Variants in SNX25 observed in about 807,000 individuals in gnomAD.
The protein encoded by SNX25 is sorting nexin-25.
In SNX25, 62 loss-of-function variants were observed where a neutral mutation model predicts 113.7. That is an observed-to-expected ratio of 0.55 (90% CI 0.44 to 0.67). SNX25 has a LOEUF of 0.67. Ranked by LOEUF, SNX25 falls within the 30% of genes least tolerant of loss-of-function variation. The pLI is 0.00. For missense variants in SNX25, 1,014 were observed against 1,161.0 expected, an observed-to-expected ratio of 0.87 and a Z score of 1.84; for synonymous variants, 421 against 436.2, an observed-to-expected ratio of 0.97 and a Z score of 0.43.
chr4:185,283,017 C>A (rs1214428142), intron 5 of SNX25, among the ~76,000 whole-genome samples: 1 of 152,174 alleles, frequency 6.6e-6, no homozygotes, highest in Non-Finnish European at 1.5e-5. Context: ...GAAAGTCAAT[C>A]ATTTCCTCTC....
chr4:185,260,551 T>G (rs770122503), intron 3 of SNX25, among the ~76,000 whole-genome samples: 38 of 152,234 alleles, frequency 2.5e-4, no homozygotes, highest in Non-Finnish European at 7.3e-5. Flanking sequence ...GCCAGTTCAC[T>G]ACTCATCGTA....
rs367671386 is a variant in SNX25 at position 185,353,644 on chromosome 4, G to C, written c.2584+42G>C. 2.8e-6 allele frequency: 4 copies of C among 1,439,018 alleles called. No individual in the cohort carries two copies. In the African/African-American group the frequency reaches 5.6e-5, roughly 20 times the overall value. 89.1% of individuals were successfully genotyped at this position (1,439,018 alleles called of 1,614,324 possible). On this transcript the variant is annotated intron_variant, in intron 15 of 18. Transcript: ENST00000652585. ...TTATTTAGTGGTATTTGCTAGTTAA[G>C]TGGTATATATAATCGTACATTCACA...
At chr4:185,214,371 A>C (rs969295628) in intron 1 of SNX25, among the ~76,000 whole-genome samples, 2 of 148,038 alleles carry the variant, frequency 1.4e-5, no homozygotes, top group Non-Finnish European at 3.0e-5. Context: ...AGCCTGGTCA[A>C]CATAGAGAAA....
intron 6 of SNX25, among the ~76,000 whole-genome samples, chr4:185,297,447 T>G (rs530780348): frequency 3.8e-4 from 58 of 152,346 alleles, no homozygotes; most frequent in Middle Eastern, 3.4e-3. Flanking sequence ...TCAACAGTTT[T>G]GTTTGGATAT....
rs1278669599 is a variant in SNX25 at position 185,209,788 on chromosome 4, G to C, written c.-39G>C. 1.0e-6 allele frequency: 1 copy of C among 983,708 alleles called. No homozygotes were observed. The highest frequency in any genetic ancestry group is 1.8e-5 in the African/African-American group (1 of 57,038). The allele number at this position is 983,708 out of a possible 1,614,324, so 60.9% of individuals were successfully genotyped here. The stretch of plus-strand genomic sequence containing the variant: ...CGGAGCGCCGGCGGGGGACCGGGGG[G>C]CAGGAGATGTGCCTGTCCTTAGCGG... On this transcript the variant is annotated 5_prime_UTR_variant, in exon 1 of 19. Coordinates refer to ENST00000652585, the MANE Select transcript of SNX25 (RefSeq NM_001378034.2). The surrounding 1 kb of genome is among the most constrained non-coding windows in gnomAD (Gnocchi z 5.2).
chr4:185,261,909 T>C (rs1186846815), intron 3 of SNX25, among the ~76,000 whole-genome samples: 1 of 152,248 alleles, frequency 6.6e-6, no homozygotes, highest in Non-Finnish European at 1.5e-5. Context: ...ATATAGATGA[T>C]TGTGTCCTGG....
chr4:185,326,031 A>G (rs972899930), intron 9 of SNX25, among the ~76,000 whole-genome samples: 32 of 152,248 alleles, frequency 2.1e-4, no homozygotes, highest in African/African-American at 7.5e-4. Context: ...GCAAATAACT[A>G]TATTGCCATA....
intron 5 of SNX25, among the ~76,000 whole-genome samples, chr4:185,270,646 A>G (rs1748791268): frequency 6.6e-6 from 1 of 152,144 alleles, no homozygotes; most frequent in Non-Finnish European, 1.5e-5. Context: ...TCATCACCCC[A>G]AAAAGAAACC....
chr4:185,352,334 A>G (rs6846997), intron 14 of SNX25, among the ~76,000 whole-genome samples: 62,107 of 152,026 alleles, frequency 0.41, 15,265 homozygotes, highest in African/African-American at 0.7. Context: ...CCTCTTCACC[A>G]GAGGTGGCTT....
exon 1 of SNX25, chr4:185,204,383 C>T (rs906779754): frequency 6.6e-6 from 1 of 152,182 alleles, no homozygotes; most frequent in African/African-American, 2.4e-5. Flanking sequence ...TTTCTATCAG[C>T]AAATTTCAGT....
rs34587614 is a variant in SNX25, at chr4:185,334,036, C to CA, written c.1914+1295dup. Reference sequence around the variant, plus strand: ...TGCACTCCAGACTGGGCAATAGTCTCAAAAAAAAAAAAAAAAAAGTGGCTA... The same window carrying CA: ...TGCACTCCAGACTGGGCAATAGTCTCAAAAAAAAAAAAAAAAAAAGTGGCTA... On this transcript the variant is annotated intron_variant, in intron 10 of 18. Transcript: ENST00000652585. The surrounding 1 kb of genome is among the most constrained non-coding windows in gnomAD (Gnocchi z 4.2). 0.054 allele frequency among the ~76,000 whole-genome samples: 5,644 copies of CA among 104,304 alleles called. 199 individuals carry two copies. The highest frequency in any genetic ancestry group is 0.1 in the African/African-American group (2,912 of 28,744). The allele number at this position is 104,304 out of a possible 152,430, so 68.4% of individuals were successfully genotyped here. A position where few individuals can be genotyped will look rare whatever the true frequency, so the allele number is the denominator to read the frequency against.
At chr4:185,372,336 G>C (rs535134501), downstream of SNX25, among the ~76,000 whole-genome samples, 1 of 152,324 alleles carries the variant, frequency 6.6e-6, no homozygotes, top group African/African-American at 2.4e-5. Flanking sequence ...TAATGGCATA[G>C]AATTGTGCTA....
intron 2 of SNX25, among the ~76,000 whole-genome samples, chr4:185,252,170 A>G (rs554729246): frequency 6.6e-6 from 1 of 152,304 alleles, no homozygotes; most frequent in African/African-American, 2.4e-5. Flanking sequence ...AACAACAACA[A>G]ACAAAACTAG....
At chr4:185,345,023 G>A (rs1375768459) in intron 12 of SNX25, among the ~76,000 whole-genome samples, 2 of 152,176 alleles carry the variant, frequency 1.3e-5, no homozygotes, top group African/African-American at 4.8e-5. Context: ...ACCAAAGTTT[G>A]TATCAAAACA....
chr4:185,300,764 C>T (rs1355947239), intron 6 of SNX25, among the ~76,000 whole-genome samples: 1 of 151,062 alleles, frequency 6.6e-6, no homozygotes, highest in Admixed American at 6.6e-5. Flanking sequence ...CAAAGTGGAA[C>T]CTTTGGGAGG....
intron 11 of SNX25, 89 bp downstream of exon 11, chr4:185,339,599 A>G: frequency 6.7e-7 from 1 of 1,482,276 alleles, no homozygotes; most frequent in Admixed American, 2.2e-5. Context: ...GATTGAGGGT[A>G]GAAAACTTAC....
chr4:185,353,976 G>A (rs1246811518), intron 15 of SNX25, among the ~76,000 whole-genome samples: 1 of 151,830 alleles, frequency 6.6e-6, no homozygotes, highest in Non-Finnish European at 1.5e-5. Context: ...CCCAGGAGGT[G>A]GAGGTTGCAG....
chr4:185,328,847 A>G (rs990281430), intron 9 of SNX25, among the ~76,000 whole-genome samples: 1 of 152,020 alleles, frequency 6.6e-6, no homozygotes, highest in Non-Finnish European at 1.5e-5. Flanking sequence ...ACAGGTAGAG[A>G]AGGAGGAGGA....
intron 9 of SNX25, among the ~76,000 whole-genome samples, chr4:185,325,945 C>G (rs141695101): frequency 6.6e-6 from 1 of 152,124 alleles, no homozygotes; most frequent in Non-Finnish European, 1.5e-5. Context: ...CCATTCCAGT[C>G]GAAGCATGGG....
Sources: allele counts gnomAD v4.1 joint callset (sites outside exome capture counted in the v4.1 genomes callset), GRCh38; gene constraint gnomAD v4.1.1; non-coding constraint Gnocchi (gnomAD v3.1); transcripts MANE v1.5; gene names NCBI Gene and HGNC (gene_info 2026-07-23, HGNC 2026-07-21).